The following USP25 variants were observed in gnomAD, a reference collection of about 807,000 sequenced individuals.
USP25 encodes ubiquitin carboxyl-terminal hydrolase 25.
In USP25, 85 loss-of-function variants were observed where a neutral mutation model predicts 158.5. The observed-to-expected ratio is 0.54, with a 90% CI of 0.45 to 0.64. The LOEUF (loss-of-function observed/expected upper bound fraction) is 0.64. USP25 is among the 30% of genes least tolerant of loss of function. USP25 has a pLI of 0.00. For missense variants in USP25, 1,242 were observed against 1,327.3 expected, an observed-to-expected ratio of 0.94 and a Z score of 1.00; for synonymous variants, 464 against 460.4, an observed-to-expected ratio of 1.01 and a Z score of -0.10.
At chr21:15,763,139 G>T (rs1293485435) in intron 2 of USP25, among the ~76,000 whole-genome samples, 171 bp downstream of exon 2, 1 of 152,116 alleles carries the variant, frequency 6.6e-6, no homozygotes, top group Non-Finnish European at 1.5e-5. Context: ...TTTTGAGGAT[G>T]TTAGCTTTCA....
chr21:15,737,021 C>T (rs1478216194), intron 1 of USP25, among the ~76,000 whole-genome samples: 1 of 150,056 alleles, frequency 6.7e-6, no homozygotes, highest in East Asian at 1.9e-4. Flanking sequence ...ATGTATGTAT[C>T]TTTTTAATGG....
chr21:15,762,729 A>G (rs891797358), intron 1 of USP25, among the ~76,000 whole-genome samples, 162 bp from the exon 2 acceptor site: 1 of 152,192 alleles, frequency 6.6e-6, no homozygotes, highest in East Asian at 1.9e-4. Context: ...TTCTAAAAGA[A>G]TGAAGTTGTT....
intron 4 of USP25, among the ~76,000 whole-genome samples, chr21:15,783,183 G>A (rs947018231): frequency 1.3e-5 from 2 of 150,290 alleles, no homozygotes; most frequent in Admixed American, 6.6e-5. Flanking sequence ...AAGACAGATC[G>A]TTTGAAATAA....
intron 22 of USP25, among the ~76,000 whole-genome samples, chr21:15,867,248 T>C (rs2039697562): frequency 6.6e-6 from 1 of 152,126 alleles, no homozygotes; most frequent in Non-Finnish European, 1.5e-5. Flanking sequence ...TAGTAAATTT[T>C]AAGTTGTTTT....
chr21:15,841,793 C>T (rs916779249), intron 17 of USP25, among the ~76,000 whole-genome samples: 1 of 152,044 alleles, frequency 6.6e-6, no homozygotes, highest in African/African-American at 2.4e-5. Flanking sequence ...GGATTTTGGG[C>T]TTGTCTCATC....
At position 15,875,899 on chromosome 21, in the gene USP25, T is replaced by C. The variant is rs2040078920; in HGVS notation, c.3009+1373T>C. 2.0e-5 allele frequency: 3 copies of C among 152,204 alleles called. No homozygotes were observed. In the South Asian group the frequency reaches 6.2e-4, roughly 31 times the overall value. 9.4% of individuals were successfully genotyped at this position (152,204 alleles called of 1,614,324 possible). ...CAGAAAATAATTCTGGTAATAATAA[T>C]AGCATTCTAGAGGATGAACAGGAAA... On this transcript the variant is annotated intron_variant, in intron 24 of 25. Coordinates refer to ENST00000400183, the MANE Select transcript of USP25 (RefSeq NM_001283041.3). This position sits in a 1 kb window ranked among gnomAD's most constrained non-coding sequence, Gnocchi z 4.7.
chr21:15,792,764 G>C (rs1195674019), intron 5 of USP25, among the ~76,000 whole-genome samples: 1 of 151,276 alleles, frequency 6.6e-6, no homozygotes, highest in Non-Finnish European at 1.5e-5. Context: ...CATATAATTT[G>C]ATTTTCTTTG....
chr21:15,735,780 C>T (rs1382259969), intron 1 of USP25, among the ~76,000 whole-genome samples: 2 of 152,148 alleles, frequency 1.3e-5, no homozygotes, highest in African/African-American at 4.8e-5. Flanking sequence ...ATTTGGTGAA[C>T]ATGACTGTAT....
chr21:15,791,479 A>G, intron 4 of USP25, 23 bp from the exon 5 acceptor site: 1 of 1,589,114 alleles, frequency 6.3e-7, no homozygotes, highest in Middle Eastern at 1.7e-4. Context: ...ATAATGCTGC[A>G]TTTTTTTCCA....
intron 1 of USP25, among the ~76,000 whole-genome samples, chr21:15,737,325 A>C (rs2031618142): frequency 6.6e-6 from 1 of 152,098 alleles, no homozygotes; most frequent in African/African-American, 2.4e-5. Flanking sequence ...TTTGGTTCTG[A>C]AGTACACATA....
At chr21:15,815,437 A>G (rs2036888910) in intron 9 of USP25, among the ~76,000 whole-genome samples, 1 of 152,144 alleles carries the variant, frequency 6.6e-6, no homozygotes, top group Non-Finnish European at 1.5e-5. Context: ...TGCATTGTGT[A>G]CCTGGAAAAG....
rs925858021 is a variant in USP25 at position 15,826,689 on chromosome 21, A to G, written c.1467-288A>G. Among the ~76,000 whole-genome samples the G allele has an allele frequency of 1.3e-5, 2 of 152,210 alleles. No homozygotes were observed. Among genetic ancestry groups the G allele is most frequent in the African/African-American group, 4.8e-5 (2 of 41,462 alleles). ...TATCAAATTAGAATTTGTTTCTGTA[A>G]TGTAAGCTGATAAGCCAGGGAAAAT... is the stretch of plus-strand genomic sequence containing the variant. On this transcript the variant is annotated intron_variant, in intron 13 of 25. Transcript: ENST00000400183. This position sits in a 1 kb window ranked among gnomAD's most constrained non-coding sequence, Gnocchi z 4.8.
chr21:15,761,352 G>A (rs905845019), intron 1 of USP25, among the ~76,000 whole-genome samples: 5 of 152,290 alleles, frequency 3.3e-5, no homozygotes, highest in African/African-American at 9.6e-5. Context: ...ACCATTAGGC[G>A]GTGGTCAGGC....
chr21:15,778,119 A>G, intron 4 of USP25, 92 bp downstream of exon 4: 1 of 1,223,130 alleles, frequency 8.2e-7, no homozygotes, highest in Non-Finnish European at 1.1e-6. Flanking sequence ...GTAATAAGAT[A>G]TACTTTGTTA....
At chr21:15,748,827 C>T (rs1368991840) in intron 1 of USP25, among the ~76,000 whole-genome samples, 1 of 152,074 alleles carries the variant, frequency 6.6e-6, no homozygotes, top group Non-Finnish European at 1.5e-5. Flanking sequence ...GTGGCTTCAA[C>T]TAAGGAAATC....
chr21:15,748,724 G>A (rs912192790), intron 1 of USP25, among the ~76,000 whole-genome samples: 1 of 152,010 alleles, frequency 6.6e-6, no homozygotes, highest in Non-Finnish European at 1.5e-5. Context: ...TAACTTAAAG[G>A]TAACCAAAAC....
intron 17 of USP25, among the ~76,000 whole-genome samples, chr21:15,838,527 G>C: frequency 6.6e-6 from 1 of 151,998 alleles, no homozygotes; most frequent in Non-Finnish European, 1.5e-5. Flanking sequence ...GACTTTCTTC[G>C]GAATGGGGCC....
At chr21:15,872,530 G>A (rs888414226) in intron 23 of USP25, among the ~76,000 whole-genome samples, 6 of 152,094 alleles carry the variant, frequency 3.9e-5, no homozygotes, top group African/African-American at 1.4e-4. Flanking sequence ...ATTAATTAAC[G>A]AACTACTACA....
intron 17 of USP25, among the ~76,000 whole-genome samples, chr21:15,839,661 ATAAAT>A (rs894112473): frequency 2.6e-5 from 4 of 152,096 alleles, no homozygotes; most frequent in Admixed American, 6.5e-5. Context: ...CTTTGGTTTG[ATAAAT>A]TGAAGACAAA....
Sources: gnomAD v4.1 joint callset for allele counts (sites outside exome capture counted in the v4.1 genomes callset) on GRCh38, gnomAD v4.1.1 for gene constraint, Gnocchi (gnomAD v3.1) non-coding constraint, MANE v1.5 for transcripts, NCBI Gene and HGNC (gene_info 2026-07-23, HGNC 2026-07-21) for gene names.